The following IMMP2L variants were observed in gnomAD, a reference collection of about 807,000 sequenced individuals.
The protein encoded by IMMP2L is inner mitochondrial membrane peptidase subunit 2.
IMMP2L carries 18 observed loss-of-function variants against 19.3 expected under a neutral mutation model. The ratio of observed to expected loss-of-function variants is 0.93; its 90% CI spans 0.64 to 1.38. The LOEUF (loss-of-function observed/expected upper bound fraction) is 1.38. Ranked by LOEUF, IMMP2L falls within the 40% of genes most tolerant of loss-of-function variation. The pLI is 0.00. For missense variants in IMMP2L, 233 were observed against 218.2 expected (o/e 1.07, Z -0.43); for synonymous variants, 76 against 73.0 (o/e 1.04, Z -0.21).
At position 110,877,070 on chromosome 7, in the gene IMMP2L, C is replaced by T. The variant is rs560543554; in HGVS notation, c.408+9523G>A. On this transcript the variant is annotated intron_variant, in intron 5 of 5. Transcript: ENST00000405709. This position sits in a 1 kb window ranked among gnomAD's most constrained non-coding sequence, Gnocchi z 4.0. Reference sequence around the variant, plus strand: ...CTCTCTTGCAAGTACTTAACTCAGCCGTTACAGAGGGAAAGCAGCCATAGT... The same window carrying T: ...CTCTCTTGCAAGTACTTAACTCAGCTGTTACAGAGGGAAAGCAGCCATAGT... 3.3e-4 allele frequency among the ~76,000 whole-genome samples: 50 copies of T among 152,212 alleles called. No individual in the cohort carries two copies. Among genetic ancestry groups the T allele is most frequent in the African/African-American group, 1.1e-3 (45 of 41,554 alleles).
chr7:111,014,555 A>G (rs777134702), intron 3 of IMMP2L, among the ~76,000 whole-genome samples: 3 of 152,140 alleles, frequency 2.0e-5, no homozygotes, highest in Non-Finnish European at 2.9e-5. Flanking sequence ...AAAAGCACAG[A>G]CAACAAAAGC....
At chr7:110,809,564 A>G (rs895566738) in intron 5 of IMMP2L, among the ~76,000 whole-genome samples, 1 of 152,022 alleles carries the variant, frequency 6.6e-6, no homozygotes, top group Non-Finnish European at 1.5e-5. Context: ...ACTATGTTAC[A>G]TACTGTATTA....
chr7:111,232,946 A>T (rs959246615), intron 3 of IMMP2L, among the ~76,000 whole-genome samples: 1 of 152,056 alleles, frequency 6.6e-6, no homozygotes, highest in East Asian at 1.9e-4. Context: ...CAGCATTAAT[A>T]CTGGTACGAT....
At chr7:110,827,880 C>T (rs186742424) in intron 5 of IMMP2L, among the ~76,000 whole-genome samples, 1 of 152,160 alleles carries the variant, frequency 6.6e-6, no homozygotes, top group African/African-American at 2.4e-5. Context: ...ACATAAGAAA[C>T]ACCTCTGGAA....
chr7:111,146,749 A>G (rs1188362565), intron 3 of IMMP2L, among the ~76,000 whole-genome samples: 1 of 152,122 alleles, frequency 6.6e-6, no homozygotes, highest in African/African-American at 2.4e-5. Context: ...GGGAATTAAG[A>G]AAGAAACGTT....
At chr7:110,779,913 G>A (rs1799624689) in intron 5 of IMMP2L, among the ~76,000 whole-genome samples, 1 of 151,768 alleles carries the variant, frequency 6.6e-6, no homozygotes, top group Admixed American at 6.6e-5. Context: ...TCTGGACTCT[G>A]AATTTGATTT....
chr7:110,783,761 C>A (rs1562972487), intron 5 of IMMP2L, among the ~76,000 whole-genome samples: 1 of 151,740 alleles, frequency 6.6e-6, no homozygotes, highest in Non-Finnish European at 1.5e-5. Flanking sequence ...TAAGAAAATG[C>A]AGAAATGTAT....
chr7:111,163,808 C>G (rs1405582452), intron 3 of IMMP2L, among the ~76,000 whole-genome samples: 1 of 151,996 alleles, frequency 6.6e-6, no homozygotes, highest in Non-Finnish European at 1.5e-5. Flanking sequence ...AGTCTGATAT[C>G]TCTTATTGAG....
At chr7:111,096,709 G>A (rs1219450155) in intron 3 of IMMP2L, among the ~76,000 whole-genome samples, 2 of 151,774 alleles carry the variant, frequency 1.3e-5, no homozygotes, top group Admixed American at 1.3e-4. Flanking sequence ...TAAAAATTAT[G>A]AACAAAGTCT....
At chr7:111,506,406 C>G (rs1422185131) in intron 2 of IMMP2L, among the ~76,000 whole-genome samples, 1 of 151,728 alleles carries the variant, frequency 6.6e-6, no homozygotes, top group Non-Finnish European at 1.5e-5. Flanking sequence ...ACATCCATAT[C>G]TTCCTTCTTT....
chr7:110,775,181 T>A (rs1262852941), intron 5 of IMMP2L, among the ~76,000 whole-genome samples: 1 of 151,936 alleles, frequency 6.6e-6, no homozygotes, highest in East Asian at 1.9e-4. Context: ...GATAATGAGA[T>A]CATGCCTGTT....
At chr7:111,029,853 C>T (rs2129568532) in intron 3 of IMMP2L, among the ~76,000 whole-genome samples, 1 of 152,222 alleles carries the variant, frequency 6.6e-6, no homozygotes, top group South Asian at 2.1e-4. Context: ...TATTGCTAGT[C>T]AAACGGAAGA....
At chr7:110,934,889 T>C (rs1233287087) in intron 4 of IMMP2L, among the ~76,000 whole-genome samples, 1 of 152,198 alleles carries the variant, frequency 6.6e-6, no homozygotes, top group Admixed American at 6.5e-5. Context: ...CCTATGTGTG[T>C]CTTTGCATGT....
intron 3 of IMMP2L, among the ~76,000 whole-genome samples, chr7:111,471,660 C>T (rs73426228): frequency 0.18 from 27,049 of 152,004 alleles, 4,544 homozygotes; most frequent in African/African-American, 0.44. Flanking sequence ...TGTTTCTTTT[C>T]TCACTTGTTT....
intron 3 of IMMP2L, among the ~76,000 whole-genome samples, chr7:111,463,194 TG>T (rs1840297994): frequency 6.6e-6 from 1 of 152,036 alleles, no homozygotes; most frequent in Non-Finnish European, 1.5e-5. Context: ...TGTGTGTGTG[TG>T]TGTCCCAATT....
chr7:110,885,549 C>T (rs1054867433), intron 5 of IMMP2L, among the ~76,000 whole-genome samples: 3 of 151,732 alleles, frequency 2.0e-5, no homozygotes, highest in African/African-American at 7.3e-5. Flanking sequence ...ATGAAAAAAC[C>T]CACAAAATAC....
At chr7:111,262,589 T>C (rs1050609017) in intron 3 of IMMP2L, among the ~76,000 whole-genome samples, 2 of 152,112 alleles carry the variant, frequency 1.3e-5, no homozygotes, top group African/African-American at 4.8e-5. Flanking sequence ...AAACAATCTC[T>C]GAAATACCCG....
chr7:111,386,430 A>G (rs1175770780), intron 3 of IMMP2L, among the ~76,000 whole-genome samples: 2 of 152,122 alleles, frequency 1.3e-5, no homozygotes, highest in Non-Finnish European at 2.9e-5. Context: ...ACATATATAC[A>G]TAAAGGTACA....
intron 3 of IMMP2L, among the ~76,000 whole-genome samples, chr7:111,340,172 T>C (rs28704536): frequency 0.025 from 3,816 of 152,130 alleles, 183 homozygotes; most frequent in African/African-American, 0.087. Flanking sequence ...TTTTGTAGCA[T>C]ACACAGTGCA....
Sources: allele counts gnomAD v4.1 joint callset (sites outside exome capture counted in the v4.1 genomes callset), GRCh38; gene constraint gnomAD v4.1.1; non-coding constraint Gnocchi (gnomAD v3.1); transcripts MANE v1.5; gene names NCBI Gene and HGNC (gene_info 2026-07-23, HGNC 2026-07-21).